Variants in WNK1 observed in about 807,000 individuals in gnomAD.
The protein encoded by WNK1 is serine/threonine-protein kinase WNK1.
Under a neutral mutation model 222.8 loss-of-function variants are expected in WNK1, and 38 were observed. The observed-to-expected ratio is 0.17, with a 90% CI of 0.13 to 0.22. The LOEUF is 0.22. Ranked by LOEUF, WNK1 falls within the 10% of genes least tolerant of loss-of-function variation. WNK1 has a pLI of 1.00. For synonymous variants in WNK1, 1,090 were observed against 1,092.9 expected (o/e 1.00, Z 0.05); for missense variants, 2,348 against 2,918.4 (o/e 0.80, Z 4.50).
chr12:824,434 A>G (rs1392909261), intron 2 of WNK1, among the ~76,000 whole-genome samples: 2 of 152,094 alleles, frequency 1.3e-5, no homozygotes, highest in Non-Finnish European at 2.9e-5. Flanking sequence ...CCTTATAAAC[A>G]TTGCTATAAT....
At chr12:887,994 A>G (rs1298854990) in intron 20 of WNK1, among the ~76,000 whole-genome samples, 1 of 152,110 alleles carries the variant, frequency 6.6e-6, no homozygotes, top group Non-Finnish European at 1.5e-5. Flanking sequence ...AATATTTATT[A>G]TTTCTCTTTC....
In WNK1 at chr12:763,234, G is replaced by T. The variant is rs189928007; in HGVS notation, c.759+8910G>T. ...GTGTGAATATGCTGAACAAAGGGATGACATGTCCCATTCGAGATTTCATCA... is the reference window on the plus strand; with the variant it reads ...GTGTGAATATGCTGAACAAAGGGATTACATGTCCCATTCGAGATTTCATCA... On this transcript the variant is annotated intron_variant, in intron 1 of 27. Coordinates refer to ENST00000315939, the MANE Select transcript of WNK1 (RefSeq NM_018979.4). Among the ~76,000 whole-genome samples the T allele has an allele frequency of 1.8e-3, 260 of 147,580 alleles. 31 individuals carry two copies. Among genetic ancestry groups the T allele is most frequent in the Admixed American group, 3.6e-3 (53 of 14,868 alleles).
chr12:823,754 T>G (rs193163362), intron 2 of WNK1, among the ~76,000 whole-genome samples: 23 of 152,314 alleles, frequency 1.5e-4, no homozygotes, highest in Non-Finnish European at 2.9e-4. Context: ...TGATTGTTTT[T>G]AGTAAATATC....
chr12:859,556 G>A, intron 6 of WNK1, 92 bp downstream of exon 6: 1 of 943,122 alleles, frequency 1.1e-6, no homozygotes, highest in Non-Finnish European at 1.6e-6. Flanking sequence ...AGTGCCGTGT[G>A]TGGCATATCC....
chr12:866,732 A>T (rs1278834167), intron 8 of WNK1, among the ~76,000 whole-genome samples: 1 of 59,912 alleles, frequency 1.7e-5, no homozygotes, highest in East Asian at 8.8e-4. Context: ...TTAAATCTAG[A>T]ACTGCTTCTA....
rs1956068376 is a variant in WNK1 at position 911,315 on chromosome 12, C to T, written c.*2523C>T. On this transcript the variant is annotated 3_prime_UTR_variant, in exon 28 of 28. Transcript: ENST00000315939. ...AAAAATTCAAACTTTGGGGGTTTCTCAGCAGCCGTTAATTGTACATTTTGC... is the reference window on the plus strand; with the variant it reads ...AAAAATTCAAACTTTGGGGGTTTCTTAGCAGCCGTTAATTGTACATTTTGC... 3 of 398,438 alleles carry T rather than the reference C, an allele frequency of 7.5e-6. No homozygotes were observed. The highest frequency in any genetic ancestry group is 4.1e-5 in the African/African-American group (2 of 48,600). The allele number at this position is 398,438 out of a possible 1,614,324, so 24.7% of individuals were successfully genotyped here.
chr12:823,176 A>G (rs2154023104), intron 2 of WNK1, among the ~76,000 whole-genome samples: 1 of 152,328 alleles, frequency 6.6e-6, no homozygotes, highest in Admixed American at 6.5e-5. Flanking sequence ...TCCCATGGTC[A>G]TAAGTCACTT....
At chr12:879,461 T>TTTTTTTTC in intron 10 of WNK1, 112 bp from the exon 11 acceptor site, 1 of 716,132 alleles carries the variant, frequency 1.4e-6, no homozygotes, top group Non-Finnish European at 2.2e-6. Flanking sequence ...TTTTTTTGTT[T>TTTTTTTTC]GTTTTTTCCT....
At chr12:792,283 T>C (rs888278718) in intron 1 of WNK1, among the ~76,000 whole-genome samples, 4 of 151,678 alleles carry the variant, frequency 2.6e-5, no homozygotes, top group Admixed American at 2.6e-4. Context: ...TTAATAAATG[T>C]TTCAATTTTT....
intron 8 of WNK1, among the ~76,000 whole-genome samples, chr12:864,789 TTCAG>T (rs1391410431): frequency 6.6e-6 from 1 of 152,204 alleles, no homozygotes; most frequent in African/African-American, 2.4e-5. Flanking sequence ...GTCTGCACCC[TTCAG>T]TCAGTTGGTC....
At chr12:832,839 G>C (rs1591916430) in intron 4 of WNK1, among the ~76,000 whole-genome samples, 1 of 152,138 alleles carries the variant, frequency 6.6e-6, no homozygotes, top group East Asian at 1.9e-4. Context: ...ATGGGGGCAG[G>C]AGAAATTTTT....
intron 19 of WNK1, 67 bp from the exon 20 acceptor site, chr12:887,154 T>C: frequency 7.3e-7 from 1 of 1,364,588 alleles, no homozygotes; most frequent in South Asian, 1.2e-5. Context: ...TTAGTTGATT[T>C]GCTCTTCAGT....
intron 24 of WNK1, 121 bp downstream of exon 24, chr12:896,853 A>G: frequency 9.0e-7 from 1 of 1,113,354 alleles, no homozygotes; most frequent in East Asian, 2.6e-5. Flanking sequence ...TTAAAGAGAC[A>G]GTGCCACAGA....
chr12:881,023 A>T (rs374446980), intron 12 of WNK1, 24 bp downstream of exon 12: 7 of 1,613,912 alleles, frequency 4.3e-6, no homozygotes, highest in African/African-American at 1.3e-5. Flanking sequence ...CTGCATGTTT[A>T]TATGTAAAAC....
chr12:871,497 A>G (rs1046332860), intron 9 of WNK1, 149 bp downstream of exon 9: 7 of 757,420 alleles, frequency 9.2e-6, no homozygotes, highest in Non-Finnish European at 1.5e-5. Context: ...ACAAAGAAAA[A>G]AAAGAGACTT....
intron 1 of WNK1, among the ~76,000 whole-genome samples, chr12:772,727 T>G (rs1360245986): frequency 6.6e-6 from 1 of 152,178 alleles, no homozygotes; most frequent in Non-Finnish European, 1.5e-5. Flanking sequence ...TCTAGTAAAT[T>G]GATCATTGAT....
In WNK1 at chr12:753,316, T is replaced by C; in HGVS notation, c.-250T>C. On this transcript the variant is annotated 5_prime_UTR_variant, in exon 1 of 28. Coordinates refer to ENST00000315939, the MANE Select transcript of WNK1 (RefSeq NM_018979.4). This position sits in a 1 kb window ranked among gnomAD's most constrained non-coding sequence, Gnocchi z 5.2. ...GCGGCGCTAACCCCCGTGGCTCAGC[T>C]CCCGAATCGCCCGCCTTCGAGCCCT... 1.8e-6 allele frequency: 1 copy of C among 559,458 alleles called. No individual in the cohort carries two copies. Among genetic ancestry groups the C allele is most frequent in the South Asian group, 2.1e-5 (1 of 47,108 alleles). 34.7% of individuals were successfully genotyped at this position (559,458 alleles called of 1,614,324 possible).
intron 1 of WNK1, among the ~76,000 whole-genome samples, chr12:784,142 G>T (rs1324182274): frequency 6.6e-6 from 1 of 152,116 alleles, no homozygotes; most frequent in Non-Finnish European, 1.5e-5. Context: ...GATTGCTTGA[G>T]CCCAGGAGTT....
chr12:885,953 C>A lies in WNK1; in HGVS notation c.5149C>A (p.Pro1717Thr). The A allele has an allele frequency of 6.3e-7, 1 of 1,593,454 alleles. No homozygotes were observed. Among genetic ancestry groups the A allele is most frequent in the South Asian group, 1.1e-5 (1 of 87,504 alleles). Residue 1717 changes from proline (P) to threonine (T), a missense_variant, in exon 19 of 28, where the codon CCA becomes ACA. Around this residue, in one of 13 missense-constraint regions of WNK1, gnomAD observed 1,144 missense variants for 1,273.6 expected, o/e 0.90. Coordinates refer to ENST00000315939, the MANE Select transcript of WNK1 (RefSeq NM_018979.4). Reference protein sequence around the residue: ...TSTCLPPTNLPLGTVALPVTP... With the variant: ...TSTCLPPTNLTLGTVALPVTP... Reference sequence around the variant, plus strand: ...TACTTGCTTACCACCAACCAATTTACCACTAGGAACAGTTGCTTTGCCAGT... The same window carrying A: ...TACTTGCTTACCACCAACCAATTTAACACTAGGAACAGTTGCTTTGCCAGT...
Sources: allele counts gnomAD v4.1 joint callset (sites outside exome capture counted in the v4.1 genomes callset), GRCh38; gene constraint gnomAD v4.1.1; regional missense constraint gnomAD v4.1.1; non-coding constraint Gnocchi (gnomAD v3.1); transcripts MANE v1.5; gene names NCBI Gene and HGNC (gene_info 2026-07-23, HGNC 2026-07-21).